The following DMD variants were observed in gnomAD, a reference collection of about 807,000 sequenced individuals.
DMD encodes dystrophin, also known as mutant dystrophin.
A neutral mutation model predicts 330.1 loss-of-function variants in DMD; 63 were observed. The ratio of observed to expected loss-of-function variants is 0.19; its 90% confidence interval spans 0.16 to 0.24. The LOEUF is 0.24. Among genes scored for constraint, DMD ranks in the 10% least tolerant of loss-of-function variants. DMD has a pLI of 1.00. For synonymous variants in DMD, 1,223 were observed against 959.8 expected (o/e 1.27, Z -5.07); for missense variants, 3,344 against 2,684.1 (o/e 1.25, Z -5.43).
intron 52 of DMD, among the ~76,000 whole-genome samples, chrX:31,728,933 T>C (rs966006947): frequency 2.7e-5 from 3 of 110,824 alleles, no homozygotes; most frequent in Non-Finnish European, 5.7e-5. Context: ...CTGAGGAGAA[T>C]CTCTGAGGGA....
At chrX:33,116,087 G>T (rs1385334731) in intron 1 of DMD, among the ~76,000 whole-genome samples, 1 of 109,645 alleles carries the variant, frequency 9.1e-6, no homozygotes, top group African/African-American at 3.3e-5. Flanking sequence ...CTGCTATTCG[G>T]GAGGCTGAGG....
intron 9 of DMD, among the ~76,000 whole-genome samples, chrX:32,681,649 G>A (rs753640974): frequency 6.3e-5 from 7 of 111,390 alleles, no homozygotes; most frequent in Non-Finnish European, 1.1e-4. Flanking sequence ...TCGCAAACTG[G>A]GGCATATAAA....
chrX:32,147,634 T>A (rs1311950727), intron 44 of DMD, among the ~76,000 whole-genome samples: 1 of 111,245 alleles, frequency 9.0e-6, no homozygotes, highest in Admixed American at 9.6e-5. Flanking sequence ...AAAGAAGTAG[T>A]GAACAGGAAT....
intron 2 of DMD, among the ~76,000 whole-genome samples, chrX:32,881,382 C>A (rs1013378899): frequency 3.6e-5 from 4 of 112,326 alleles, no homozygotes; most frequent in African/African-American, 9.7e-5. Context: ...TGTATACTTA[C>A]GCAATGTTAG....
intron 4 of DMD, among the ~76,000 whole-genome samples, chrX:32,833,035 T>C (rs1157158303): frequency 1.8e-5 from 2 of 111,930 alleles, no homozygotes; most frequent in African/African-American, 6.5e-5. Flanking sequence ...CTACCTTCAA[T>C]GATTAAGTTT....
chrX:32,917,457 C>CCACACAT (rs1435944822), intron 2 of DMD, among the ~76,000 whole-genome samples: 1 of 111,793 alleles, frequency 8.9e-6, no homozygotes, highest in Non-Finnish European at 1.9e-5. Context: ...ACCACCACCA[C>CCACACAT]CACACATCAC....
At chrX:33,038,427 C>T (rs971586495) in intron 1 of DMD, among the ~76,000 whole-genome samples, 1 of 111,505 alleles carries the variant, frequency 9.0e-6, no homozygotes, top group Non-Finnish European at 1.9e-5. Flanking sequence ...TAAGCAAATG[C>T]CTGCTTTTAT....
At chrX:31,985,898 G>A (rs148777439) in intron 44 of DMD, among the ~76,000 whole-genome samples, 3,903 of 111,860 alleles carry the variant, frequency 0.035, 172 homozygotes, top group African/African-American at 0.12. Flanking sequence ...AAAGGCTTTG[G>A]AGATGAAGTT....
Position 33,073,781 on chromosome X carries a change from G to A in DMD, c.32-53581C>T, listed in dbSNP as rs758155768. Among the ~76,000 whole-genome samples, 8 of 109,421 alleles carry A rather than the reference G, an allele frequency of 7.3e-5. No homozygotes were observed. The East Asian group carries it at 8.6e-4, about 12-fold the overall frequency. ...TGGCAGGCGGAGGTTGCAGTGAGCC[G>A]AGATCGCATCACCGCACTCCATCCT... On this transcript the variant is annotated intron_variant, in intron 1 of 78. Transcript: ENST00000357033.
At chrX:33,266,775 G>A (rs1028347915) in intron 1 of DMD, among the ~76,000 whole-genome samples, 1 of 111,357 alleles carries the variant, frequency 9.0e-6, no homozygotes, top group African/African-American at 3.3e-5. Flanking sequence ...GCAGAAAAAA[G>A]TTTTCAATAA....
chrX:32,367,358 C>G (rs1410688949), intron 34 of DMD, among the ~76,000 whole-genome samples: 1 of 111,979 alleles, frequency 8.9e-6, no homozygotes, highest in Non-Finnish European at 1.9e-5. Context: ...TGAGAATTAT[C>G]TACTTTCTAT....
In DMD at chrX:32,414,459, C is replaced by T. The variant is rs184516043; in HGVS notation, c.4072-2546G>A. On this transcript the variant is annotated intron_variant, in intron 29 of 78. Coordinates refer to ENST00000357033, the MANE Select transcript of DMD (RefSeq NM_004006.3). ...TCACATGACATTATGTTCTTTCTTG[C>T]ACTTTGTATGTGCCATAACATATTT... Among the ~76,000 whole-genome samples the T allele has an allele frequency of 9.8e-5, 11 of 111,949 alleles. No homozygotes were observed. In the East Asian group the frequency reaches 2.3e-3, roughly 23 times the overall value.
chrX:31,510,996 G>C (rs1253878717), intron 55 of DMD, among the ~76,000 whole-genome samples: 1 of 111,521 alleles, frequency 9.0e-6, no homozygotes, highest in Admixed American at 9.6e-5. Context: ...ACCAAGAAAT[G>C]ACTTGACACA....
At chrX:32,242,721 CT>C (rs757650060) in intron 43 of DMD, among the ~76,000 whole-genome samples, 18 of 111,003 alleles carry the variant, frequency 1.6e-4, no homozygotes, top group Non-Finnish European at 2.8e-4. Context: ...CATTATAATA[CT>C]TCATTTCTTG....
intron 12 of DMD, among the ~76,000 whole-genome samples, chrX:32,596,702 C>A (rs1392174711): frequency 9.1e-6 from 1 of 109,922 alleles, no homozygotes; most frequent in Non-Finnish European, 1.9e-5. Flanking sequence ...CACACCACCA[C>A]GCCCAGCTAA....
intron 32 of DMD, among the ~76,000 whole-genome samples, chrX:32,388,722 A>C (rs2097978621): frequency 9.1e-6 from 1 of 110,342 alleles, no homozygotes; most frequent in African/African-American, 3.3e-5. Context: ...CTTTAATAAC[A>C]TTCTGTGTTT....
At chrX:31,260,915 C>A (rs1435970385) in intron 63 of DMD, 40 bp downstream of exon 63, 1 of 1,154,653 alleles carries the variant, frequency 8.7e-7, no homozygotes, top group Non-Finnish European at 1.2e-6. Flanking sequence ...CTAAAGGTCA[C>A]CTGTCATTTA....
chrX:31,894,521 G>C (rs2094304315), intron 47 of DMD, among the ~76,000 whole-genome samples: 2 of 111,973 alleles, frequency 1.8e-5, no homozygotes, highest in Admixed American at 1.9e-4. Flanking sequence ...GGAAAATGCA[G>C]AGGACCTTAC....
At chrX:31,371,732 C>A (rs2148658223) in intron 60 of DMD, among the ~76,000 whole-genome samples, 1 of 111,580 alleles carries the variant, frequency 9.0e-6, no homozygotes, top group Admixed American at 9.5e-5. Context: ...AGGAGGGAAG[C>A]ATTTGTTTTG....
Sources: gnomAD v4.1 joint callset for allele counts (sites outside exome capture counted in the v4.1 genomes callset) on GRCh38, gnomAD v4.1.1 for gene constraint, MANE v1.5 for transcripts, NCBI Gene and HGNC (gene_info 2026-07-23, HGNC 2026-07-21) for gene names.